Variants in NDUFS4 observed in about 807,000 individuals in gnomAD.
NDUFS4 encodes the protein NADH dehydrogenase [ubiquinone] iron-sulfur protein 4, mitochondrial.
NDUFS4 carries 28 observed loss-of-function variants against 24.3 expected under a neutral mutation model. The ratio of observed to expected loss-of-function variants is 1.15; its 90% confidence interval spans 0.85 to 1.58. The LOEUF (loss-of-function observed/expected upper bound fraction) is 1.58, where lower values mean the gene tolerates loss of function less well. Ranked by LOEUF, NDUFS4 falls within the 40% of genes most tolerant of loss-of-function variation. The pLI is 0.00. For missense variants in NDUFS4, 223 were observed against 207.9 expected (o/e 1.07, Z -0.45); for synonymous variants, 93 against 69.7 (o/e 1.34, Z -1.67).
intron 2 of NDUFS4, among the ~76,000 whole-genome samples, chr5:53,643,718 A>G (rs1751765556): frequency 6.6e-6 from 1 of 152,054 alleles, no homozygotes; most frequent in Non-Finnish European, 1.5e-5. Context: ...GGGACTAGGA[A>G]TTTTAGAGCC....
At chr5:53,584,082 A>G (rs547553144) in intron 1 of NDUFS4, among the ~76,000 whole-genome samples, 1 of 152,332 alleles carries the variant, frequency 6.6e-6, no homozygotes, top group Admixed American at 6.5e-5. Flanking sequence ...CCACTCCCCA[A>G]TGCACAGTTA....
At chr5:53,658,864 A>G (rs1752242452) in intron 4 of NDUFS4, 1 of 440,116 alleles carries the variant, frequency 2.3e-6, no homozygotes, top group Non-Finnish European at 4.1e-6. Context: ...TGAAGTACCA[A>G]CAGGGAATGA....
intron 4 of NDUFS4, among the ~76,000 whole-genome samples, chr5:53,670,394 G>A (rs1473097345): frequency 2.0e-5 from 3 of 151,676 alleles, no homozygotes; most frequent in Non-Finnish European, 4.4e-5. Flanking sequence ...TAGATGTGCC[G>A]TAAGTGTAAA....
intron 1 of NDUFS4, among the ~76,000 whole-genome samples, chr5:53,592,722 A>G (rs546770987): frequency 6.6e-6 from 1 of 152,282 alleles, no homozygotes; most frequent in African/African-American, 2.4e-5. Flanking sequence ...TTTCTGTTCC[A>G]TTCATCTATT....
rs1388880535 is a variant in NDUFS4, at chr5:53,681,416, T to C, written c.425-1702T>C. ...GTGCTTTCTAAGCACTTTACATGAA[T>C]TATCACATCCTTATGAAGTACAAGA... On this transcript the variant is annotated intron_variant, in intron 4 of 4. Transcript: ENST00000296684. Among the ~76,000 whole-genome samples, 3 of 152,158 alleles carry C rather than the reference T, an allele frequency of 2.0e-5. No individual in the cohort carries two copies. In the East Asian group the frequency reaches 5.8e-4, roughly 29 times the overall value.
chr5:53,644,247 T>TAAAATATAGA (rs1751785117), intron 2 of NDUFS4, among the ~76,000 whole-genome samples: 1 of 152,148 alleles, frequency 6.6e-6, no homozygotes, highest in South Asian at 2.1e-4. Context: ...GTGTTTCCTT[T>TAAAATATAGA]CATATAGTTT....
At chr5:53,655,777 G>T (rs1403587539) in intron 3 of NDUFS4, among the ~76,000 whole-genome samples, 1 of 152,068 alleles carries the variant, frequency 6.6e-6, no homozygotes, top group Non-Finnish European at 1.5e-5. Context: ...TCATTGGAGT[G>T]GATCTGTTTC....
At chr5:53,644,457 A>G (rs1379012573) in intron 2 of NDUFS4, among the ~76,000 whole-genome samples, 2 of 152,146 alleles carry the variant, frequency 1.3e-5, no homozygotes, top group African/African-American at 4.8e-5. Context: ...ATAAACTACT[A>G]TGGCAGATTG....
chr5:53,584,300 A>G (rs537396205), intron 1 of NDUFS4, among the ~76,000 whole-genome samples: 73 of 152,350 alleles, frequency 4.8e-4, no homozygotes, highest in Non-Finnish European at 8.7e-4. Flanking sequence ...AATTGAGAAT[A>G]GGAATTAGAA....
chr5:53,589,561 G>A (rs766060812), intron 1 of NDUFS4, among the ~76,000 whole-genome samples: 1 of 152,206 alleles, frequency 6.6e-6, no homozygotes, highest in African/African-American at 2.4e-5. Flanking sequence ...CCAAGAAGTG[G>A]CAATGGGAGT....
In NDUFS4 at chr5:53,658,536, ATTTG is replaced by A. The variant is rs375549253; in HGVS notation, c.351-11_351-8del. On this transcript the variant is annotated splice_polypyrimidine_tract_variant and intron_variant, in intron 3 of 4. Coordinates refer to ENST00000296684, the MANE Select transcript of NDUFS4 (RefSeq NM_002495.4). ...GCTTAATGTTAAATCTTGGAAAAAAATTTGTTTCTTACAGGGCTGATCCCTTATC... is the reference window on the plus strand; with the variant it reads ...GCTTAATGTTAAATCTTGGAAAAAAATTTCTTACAGGGCTGATCCCTTATC... 4.3e-3 allele frequency: 6,848 copies of A among 1,604,816 alleles called. 20 individuals are homozygous for A. Among genetic ancestry groups the A allele is most frequent in the Non-Finnish European group, 5.2e-3 (6,049 of 1,172,090 alleles).
chr5:53,640,157 A>C (rs1389970418), intron 2 of NDUFS4, among the ~76,000 whole-genome samples: 1 of 151,972 alleles, frequency 6.6e-6, no homozygotes, highest in Middle Eastern at 3.2e-3. Flanking sequence ...AGGGGTACTT[A>C]AAGTTCAAAT....
intron 4 of NDUFS4, among the ~76,000 whole-genome samples, chr5:53,670,621 TTATATA>T (rs140428140): frequency 2.0e-5 from 3 of 148,162 alleles, no homozygotes; most frequent in African/African-American, 7.4e-5. Flanking sequence ...AGGGTATACA[TTATATA>T]TATATATATA....
At chr5:53,674,922 A>C (rs1740406593) in intron 4 of NDUFS4, among the ~76,000 whole-genome samples, 1 of 152,064 alleles carries the variant, frequency 6.6e-6, no homozygotes, top group Non-Finnish European at 1.5e-5. Flanking sequence ...ATTAAACCAA[A>C]ATTATTAGTC....
chr5:53,570,820 A>G (rs1367815459), intron 1 of NDUFS4, among the ~76,000 whole-genome samples: 1 of 150,808 alleles, frequency 6.6e-6, no homozygotes, highest in Non-Finnish European at 1.5e-5. Flanking sequence ...AGTAGCTGGT[A>G]TTACAGGTGC....
At chr5:53,612,360 A>T (rs1750721142) in intron 2 of NDUFS4, among the ~76,000 whole-genome samples, 1 of 152,050 alleles carries the variant, frequency 6.6e-6, no homozygotes, top group South Asian at 2.1e-4. Flanking sequence ...TTAGATATGC[A>T]TCCTCAATTT....
At chr5:53,609,261 A>C (rs1158028692) in intron 2 of NDUFS4, among the ~76,000 whole-genome samples, 1 of 152,190 alleles carries the variant, frequency 6.6e-6, no homozygotes, top group African/African-American at 2.4e-5. Context: ...AAGACTCAAA[A>C]GTCAAAATTA....
chr5:53,616,149 C>T (rs1284599978), intron 2 of NDUFS4, among the ~76,000 whole-genome samples: 1 of 151,680 alleles, frequency 6.6e-6, no homozygotes, highest in African/African-American at 2.4e-5. Context: ...GAAGATCATT[C>T]AAGATATTTT....
Position 53,613,435 on chromosome 5 carries a change from T to C in NDUFS4, c.177+9905T>C, listed in dbSNP as rs543941430. On this transcript the variant is annotated intron_variant, in intron 2 of 4. Coordinates refer to ENST00000296684, the MANE Select transcript of NDUFS4 (RefSeq NM_002495.4). ...CCATGGTGGCAGTTTAGCGTGTGGGTTTTTTTCTTTAAGACTTTCACTAAA... is the reference window on the plus strand; with the variant it reads ...CCATGGTGGCAGTTTAGCGTGTGGGCTTTTTTCTTTAAGACTTTCACTAAA... 3.3e-5 allele frequency among the ~76,000 whole-genome samples: 5 copies of C among 152,082 alleles called. 1 individual carries two copies. In the South Asian group the frequency reaches 1.0e-3, roughly 32 times the overall value.
Sources: allele counts gnomAD v4.1 joint callset (sites outside exome capture counted in the v4.1 genomes callset), GRCh38; gene constraint gnomAD v4.1.1; transcripts MANE v1.5; gene names NCBI Gene and HGNC (gene_info 2026-07-23, HGNC 2026-07-21).